Variants in ERMP1 observed in about 807,000 individuals in gnomAD.
ERMP1 encodes the protein Felix-ina.
In ERMP1, 86 loss-of-function variants were observed where a neutral mutation model predicts 92.0. The ratio of observed to expected loss-of-function variants is 0.93; its 90% CI spans 0.79 to 1.12. The LOEUF (loss-of-function observed/expected upper bound fraction) is 1.12, where lower values mean the gene tolerates loss of function less well. Ranked by LOEUF, ERMP1 falls within the 50% of genes most tolerant of loss-of-function variation. The pLI is 0.00. For synonymous variants in ERMP1, 530 were observed against 412.8 expected, an observed-to-expected ratio of 1.28 and a Z score of -3.44; for missense variants, 1,342 against 1,116.3, an observed-to-expected ratio of 1.20 and a Z score of -2.88.
chr9:5,847,602 C>T (rs35598997), intron 6 of ERMP1, among the ~76,000 whole-genome samples: 60,424 of 150,904 alleles, frequency 0.4, 14,017 homozygotes, highest in South Asian at 0.57. Flanking sequence ...ATGTACAAAA[C>T]AAAACAAAAT....
At chr9:5,841,359 A>G (rs1586835019) in intron 6 of ERMP1, among the ~76,000 whole-genome samples, 1 of 152,266 alleles carries the variant, frequency 6.6e-6, no homozygotes, top group Non-Finnish European at 1.5e-5. Context: ...AGCAGGTCAC[A>G]TATTATCTGA....
rs1218437221 is a variant in ERMP1 at position 5,786,210 on chromosome 9, A to C, written c.*934T>G. 1 of 152,222 alleles carries C rather than the reference A, an allele frequency of 6.6e-6. No homozygotes were observed. The highest frequency in any genetic ancestry group is 1.5e-5 in the Non-Finnish European group (1 of 68,052). The allele number at this position is 152,222 out of a possible 1,614,324, so 9.4% of individuals were successfully genotyped here. A position where few individuals can be genotyped will look rare whatever the true frequency, so the allele number is the denominator to read the frequency against. On this transcript the variant is annotated 3_prime_UTR_variant, in exon 15 of 15. Transcript: ENST00000339450. ...TGAAGGACTAACCTTGTATAACACAAGACTCCTATGAAACAAAGAAAAGAG... is the reference window on the plus strand; with the variant it reads ...TGAAGGACTAACCTTGTATAACACACGACTCCTATGAAACAAAGAAAAGAG...
chr9:5,787,660 C>G, intron 13 of ERMP1, 67 bp from the exon 14 acceptor site: 1 of 1,482,006 alleles, frequency 6.7e-7, no homozygotes, highest in Non-Finnish European at 9.2e-7. Flanking sequence ...ACCCACAATC[C>G]AAACCAGACT....
intron 5 of ERMP1, among the ~76,000 whole-genome samples, chr9:5,865,491 G>C (rs1208066232): frequency 6.9e-6 from 1 of 145,480 alleles, no homozygotes; most frequent in Non-Finnish European, 1.5e-5. Context: ...CTGGGCGACA[G>C]AGCAAGACTC....
At chr9:5,828,734 T>C (rs1406299364) in intron 2 of ERMP1, among the ~76,000 whole-genome samples, 1 of 152,200 alleles carries the variant, frequency 6.6e-6, no homozygotes, top group Non-Finnish European at 1.5e-5. Context: ...TTTTAACCTG[T>C]CTTTTGTTAC....
chr9:5,850,149 T>C (rs988055039), intron 6 of ERMP1, among the ~76,000 whole-genome samples: 1 of 152,058 alleles, frequency 6.6e-6, no homozygotes, highest in African/African-American at 2.4e-5. Flanking sequence ...TGTGACTCTG[T>C]GGATCATCGG....
At chr9:5,811,631 T>C (rs10491559) in intron 6 of ERMP1, among the ~76,000 whole-genome samples, 50,013 of 152,120 alleles carry the variant, frequency 0.33, 9,870 homozygotes, top group East Asian at 0.75. Context: ...CTGTGATCAA[T>C]TGTACCTTCA....
At chr9:5,840,858 A>G (rs1164768174) in intron 6 of ERMP1, among the ~76,000 whole-genome samples, 6 of 152,250 alleles carry the variant, frequency 3.9e-5, no homozygotes, top group Non-Finnish European at 2.9e-5. Flanking sequence ...ACAGAGGCCA[A>G]TCACTCCTCT....
At chr9:5,842,022 A>G (rs1245444631) in intron 6 of ERMP1, among the ~76,000 whole-genome samples, 1 of 152,124 alleles carries the variant, frequency 6.6e-6, no homozygotes, top group Non-Finnish European at 1.5e-5. Flanking sequence ...GTAAAGCTGC[A>G]GACACAGACC....
chr9:5,853,161 C>T (rs1319022362), intron 6 of ERMP1, among the ~76,000 whole-genome samples: 1 of 152,092 alleles, frequency 6.6e-6, no homozygotes, highest in East Asian at 1.9e-4. Flanking sequence ...CATCTCAGTG[C>T]CAGTTTTCTG....
chr9:5,818,791 G>A (rs564313529), intron 4 of ERMP1, among the ~76,000 whole-genome samples: 18 of 152,004 alleles, frequency 1.2e-4, no homozygotes, highest in Non-Finnish European at 1.9e-4. Context: ...TAAATTCCCA[G>A]AAATGGGTCT....
At position 5,805,234 on chromosome 9, in the gene ERMP1, A is replaced by G. The variant is rs1828825532; in HGVS notation, c.1724-17T>C. 6.3e-7 allele frequency: 1 copy of G among 1,582,316 alleles called. No homozygotes were observed. Among genetic ancestry groups the G allele is most frequent in the East Asian group, 2.3e-5 (1 of 44,246 alleles). ...CTTGGGCACCTAGGGAAAAAGAGAA[A>G]AAAAGCACACATCTATGAAATCCTC... On this transcript the variant is annotated splice_polypyrimidine_tract_variant and intron_variant, in intron 9 of 14. Transcript: ENST00000339450.
At chr9:5,853,583 A>C (rs1830335641) in intron 6 of ERMP1, among the ~76,000 whole-genome samples, 1 of 152,034 alleles carries the variant, frequency 6.6e-6, no homozygotes, top group Admixed American at 6.6e-5. Flanking sequence ...GGCCTGGAGA[A>C]ACAAGGACCA....
At chr9:5,799,634 A>AC (rs1052021811) in intron 11 of ERMP1, among the ~76,000 whole-genome samples, 6 of 152,186 alleles carry the variant, frequency 3.9e-5, no homozygotes, top group Admixed American at 1.3e-4. Context: ...GAACATGGCC[A>AC]CACTCATTTG....
rs1827941704 is a variant in ERMP1 at position 5,786,523 on chromosome 9, CAGTG to C, written c.*617_*620del. 6.6e-6 allele frequency: 1 copy of C among 152,620 alleles called. No individual in the cohort carries two copies. The highest frequency in any genetic ancestry group is 2.4e-5 in the African/African-American group (1 of 41,468). 9.5% of individuals were successfully genotyped at this position (152,620 alleles called of 1,614,324 possible). On this transcript the variant is annotated 3_prime_UTR_variant, in exon 15 of 15. Coordinates refer to ENST00000339450, the MANE Select transcript of ERMP1 (RefSeq NM_024896.3). ...GCATCTGTGTGTCCACTTGTCAGGA[CAGTG>C]AGTCACCAGCTCAGCACAGGGTCCA...
At chr9:5,843,725 G>C (rs1050494585) in intron 6 of ERMP1, among the ~76,000 whole-genome samples, 1 of 151,918 alleles carries the variant, frequency 6.6e-6, no homozygotes, top group Non-Finnish European at 1.5e-5. Context: ...TGCTGATGCA[G>C]AGCCGAAGAT....
chr9:5,808,940 T>C (rs1828976900), intron 8 of ERMP1, among the ~76,000 whole-genome samples: 1 of 152,098 alleles, frequency 6.6e-6, no homozygotes, highest in Admixed American at 6.5e-5. Flanking sequence ...GGTTTCACCA[T>C]GTTGCCCAGG....
rs1362761900 is a variant in ERMP1, at chr9:5,786,052, A to G, written c.*1092T>C. 6.6e-6 allele frequency: 1 copy of G among 152,220 alleles called. No homozygotes were observed. Among genetic ancestry groups the G allele is most frequent in the Non-Finnish European group, 1.5e-5 (1 of 68,054 alleles). 9.4% of individuals were successfully genotyped at this position (152,220 alleles called of 1,614,324 possible). On this transcript the variant is annotated 3_prime_UTR_variant, in exon 15 of 15. Transcript: ENST00000339450. ...AACCACCTACACGTACAGTGGTCTC[A>G]TTCCAGTATAAGCCACAACCTCAAG... is the stretch of plus-strand genomic sequence containing the variant.
intron 5 of ERMP1, among the ~76,000 whole-genome samples, chr9:5,865,854 A>T (rs1049641521): frequency 2.1e-5 from 3 of 139,768 alleles, no homozygotes; most frequent in Non-Finnish European, 4.8e-5. Flanking sequence ...AAAAAAAAAA[A>T]AAATGATAAT....
Sources: allele counts gnomAD v4.1 joint callset (sites outside exome capture counted in the v4.1 genomes callset), GRCh38; gene constraint gnomAD v4.1.1; transcripts MANE v1.5; gene names NCBI Gene and HGNC (gene_info 2026-07-23, HGNC 2026-07-21).